The following CCNY variants were observed in gnomAD, a reference collection of about 807,000 sequenced individuals.
CCNY encodes cyclin-Y.
In CCNY, 19 loss-of-function variants were observed where a neutral mutation model predicts 42.8. The ratio of observed to expected loss-of-function variants is 0.44; its 90% CI spans 0.31 to 0.65. The LOEUF is 0.65. Among genes scored for constraint, CCNY ranks in the 30% least tolerant of loss-of-function variants. The pLI is 0.07. For synonymous variants in CCNY, 165 were observed against 162.7 expected, an observed-to-expected ratio of 1.01 and a Z score of -0.11; for missense variants, 370 against 437.3, an observed-to-expected ratio of 0.85 and a Z score of 1.37.
intron 8 of CCNY, among the ~76,000 whole-genome samples, chr10:35,556,067 T>C (rs1589206511): frequency 6.6e-6 from 1 of 152,176 alleles, no homozygotes; most frequent in East Asian, 1.9e-4. Flanking sequence ...TTTTAGCCTG[T>C]TTTCTGTCTT....
intron 2 of CCNY, among the ~76,000 whole-genome samples, chr10:35,494,056 C>T (rs1839955264): frequency 6.6e-6 from 1 of 152,126 alleles, no homozygotes; most frequent in African/African-American, 2.4e-5. Context: ...CTGCTGTGCC[C>T]AGTCCCATCT....
At chr10:35,342,395 C>T (rs114631320) in intron 1 of CCNY, among the ~76,000 whole-genome samples, 1,682 of 152,254 alleles carry the variant, frequency 0.011, 41 homozygotes, top group African/African-American at 0.039. Context: ...GGAGACACCC[C>T]GACCAAGCAT....
chr10:35,277,465 GC>G (rs1308254002), intron 3 of CCNY, among the ~76,000 whole-genome samples: 1 of 152,088 alleles, frequency 6.6e-6, no homozygotes, highest in Admixed American at 6.6e-5. Flanking sequence ...CCGAGCCTCT[GC>G]TATTGTGAAG....
At chr10:35,383,539 C>T (rs891508393) in intron 1 of CCNY, among the ~76,000 whole-genome samples, 6 of 152,116 alleles carry the variant, frequency 3.9e-5, no homozygotes, top group African/African-American at 7.2e-5. Flanking sequence ...AACTCCTGAC[C>T]GCAGGTGATC....
rs919087343 is a variant in CCNY at position 35,258,680 on chromosome 10, C to A, written c.-9+8054C>A. ...CACATGTGGGGTACAGTGGCTCACG[C>A]CTTTCCCAGCACTTTGGGAGGCCGA... On this transcript the variant is annotated intron_variant, in intron 3 of 11. Transcript: ENST00000374706. 2.6e-5 allele frequency among the ~76,000 whole-genome samples: 4 copies of A among 152,080 alleles called. No homozygotes were observed. In the South Asian group the frequency reaches 8.3e-4, roughly 32 times the overall value.
intron 3 of CCNY, among the ~76,000 whole-genome samples, chr10:35,266,054 T>G (rs191931219): frequency 6.6e-6 from 1 of 152,148 alleles, no homozygotes; most frequent in East Asian, 1.9e-4. Context: ...TACATGTATC[T>G]CCAGGAAACT....
intron 2 of CCNY, among the ~76,000 whole-genome samples, chr10:35,249,405 C>A (rs1565051270): frequency 6.6e-6 from 1 of 151,912 alleles, no homozygotes; most frequent in Non-Finnish European, 1.5e-5. Flanking sequence ...ACAGAAAATC[C>A]CTAAATGGAA....
chr10:35,404,981 T>C (rs1377700158), intron 1 of CCNY, among the ~76,000 whole-genome samples: 4 of 152,008 alleles, frequency 2.6e-5, no homozygotes, highest in African/African-American at 9.7e-5. Context: ...AAAGAAAGCA[T>C]GTTTGAGATC....
At chr10:35,296,454 AC>A (rs756564237) in intron 3 of CCNY, among the ~76,000 whole-genome samples, 84 of 152,282 alleles carry the variant, frequency 5.5e-4, no homozygotes, top group Non-Finnish European at 7.8e-4. Flanking sequence ...GGTGGCGCAT[AC>A]CTGTAATCCC....
intron 8 of CCNY, among the ~76,000 whole-genome samples, chr10:35,565,516 C>G (rs567781458): frequency 5.6e-4 from 86 of 152,328 alleles, no homozygotes; most frequent in African/African-American, 2.0e-3. Context: ...CACCCTCCCC[C>G]CATAATCCCT....
chr10:35,405,598 A>G (rs528136501), intron 1 of CCNY, among the ~76,000 whole-genome samples: 9 of 152,334 alleles, frequency 5.9e-5, no homozygotes, highest in African/African-American at 2.2e-4. Context: ...CCTGGCCGTC[A>G]ATACCCACAA....
intron 3 of CCNY, among the ~76,000 whole-genome samples, chr10:35,322,805 G>A (rs577999702): frequency 6.6e-6 from 1 of 152,322 alleles, no homozygotes; most frequent in East Asian, 1.9e-4. Flanking sequence ...GTATCCATTA[G>A]GATGGTGAAA....
intron 7 of CCNY, among the ~76,000 whole-genome samples, chr10:35,547,515 G>A (rs1841142060): frequency 6.6e-6 from 1 of 152,084 alleles, no homozygotes; most frequent in African/African-American, 2.4e-5. Flanking sequence ...GTTCACCACT[G>A]CACCTGTCTC....
intron 1 of CCNY, among the ~76,000 whole-genome samples, chr10:35,379,939 A>G (rs1297762806): frequency 6.6e-6 from 1 of 152,086 alleles, no homozygotes; most frequent in African/African-American, 2.4e-5. Context: ...GAATTTTAGT[A>G]CTCATCAGTC....
At chr10:35,406,853 G>A (rs906039848) in intron 1 of CCNY, among the ~76,000 whole-genome samples, 3 of 151,894 alleles carry the variant, frequency 2.0e-5, no homozygotes, top group South Asian at 2.1e-4. Flanking sequence ...CTGGCCGGGC[G>A]GGGGGCTGAC....
At chr10:35,544,948 C>T (rs766152610) in intron 7 of CCNY, among the ~76,000 whole-genome samples, 1 of 152,182 alleles carries the variant, frequency 6.6e-6, no homozygotes, top group Non-Finnish European at 1.5e-5. Flanking sequence ...TCCTGGGCTG[C>T]AAAGGCCTCC....
intron 2 of CCNY, among the ~76,000 whole-genome samples, chr10:35,487,498 C>T (rs767400158): frequency 1.3e-5 from 2 of 152,094 alleles, no homozygotes; most frequent in Non-Finnish European, 2.9e-5. Context: ...AGTTGTCGGC[C>T]ATGCATCCCA....
At chr10:35,378,205 C>T (rs35749118) in intron 1 of CCNY, among the ~76,000 whole-genome samples, 43,519 of 152,054 alleles carry the variant, frequency 0.29, 6,542 homozygotes, top group Admixed American at 0.35. Flanking sequence ...CTAATTTATG[C>T]AGATCTTCCA....
intron 1 of CCNY, among the ~76,000 whole-genome samples, chr10:35,476,601 C>T (rs951608590): frequency 1.3e-5 from 2 of 151,032 alleles, no homozygotes; most frequent in African/African-American, 2.4e-5. Flanking sequence ...AACAAAGACA[C>T]AACATACCAG....
Sources: gnomAD v4.1 joint callset for allele counts (sites outside exome capture counted in the v4.1 genomes callset) on GRCh38, gnomAD v4.1.1 for gene constraint, MANE v1.5 for transcripts, NCBI Gene and HGNC (gene_info 2026-07-23, HGNC 2026-07-21) for gene names.